The following FBXW10B variants were observed in gnomAD, a reference collection of about 807,000 sequenced individuals.
FBXW10B encodes F-box and WD repeat domain containing protein 10B.
the FBXW10B span, chr17:15,589,026 G>A: frequency 6.2e-7 from 1 of 1,610,392 alleles, no homozygotes; most frequent in South Asian, 1.1e-5. Flanking sequence ...TCGGAGCTGT[G>A]GTTGGGGCCA....
At chr17:15,598,555 C>T in the FBXW10B span, 1 of 1,613,720 alleles carries the variant, frequency 6.2e-7, no homozygotes, top group Non-Finnish European at 8.5e-7. Flanking sequence ...ATCTCTTCCT[C>T]CAGATACGAG....
At chr17:15,593,817 C>T in the FBXW10B span, among the ~76,000 whole-genome samples, 5 of 152,114 alleles carry the variant, frequency 3.3e-5, no homozygotes, top group East Asian at 7.7e-4. Context: ...TTAGTAGAGA[C>T]GGGGTTTCAC....
the FBXW10B span, among the ~76,000 whole-genome samples, chr17:15,613,206 G>A: frequency 2.6e-5 from 4 of 151,134 alleles, no homozygotes; most frequent in South Asian, 2.1e-4. Flanking sequence ...CTGCCATTGG[G>A]GAAAATTTCA....
chr17:15,616,766 C>A, the FBXW10B span, among the ~76,000 whole-genome samples: 52 of 137,288 alleles, frequency 3.8e-4, no homozygotes, highest in East Asian at 9.4e-3. Flanking sequence ...GAGCCAAGAT[C>A]AGGCCACTGC....
the FBXW10B span, among the ~76,000 whole-genome samples, chr17:15,584,971 T>TA: frequency 7.0e-6 from 1 of 143,506 alleles, no homozygotes; most frequent in African/African-American, 2.6e-5. Context: ...TCTTCTTCTT[T>TA]TTTTTTTTTT....
At chr17:15,582,744 A>G in the FBXW10B span, among the ~76,000 whole-genome samples, 2 of 152,182 alleles carry the variant, frequency 1.3e-5, no homozygotes, top group Non-Finnish European at 2.9e-5. Flanking sequence ...AAGTGGAGCC[A>G]AGAATAATAG....
chr17:15,604,379 A>G, the FBXW10B span, among the ~76,000 whole-genome samples: 1 of 152,202 alleles, frequency 6.6e-6, no homozygotes, highest in Non-Finnish European at 1.5e-5. Context: ...GGGAATCATT[A>G]GTATAAAATT....
chr17:15,619,389 T>C, the FBXW10B span: 1 of 1,613,782 alleles, frequency 6.2e-7, no homozygotes, highest in Non-Finnish European at 8.5e-7. Flanking sequence ...AACCACTCTT[T>C]GGTAGAGAAG....
chr17:15,612,591 C>T, the FBXW10B span: 2 of 1,489,436 alleles, frequency 1.3e-6, no homozygotes, highest in Non-Finnish European at 1.8e-6. Context: ...GGAGTGTCAC[C>T]TGCCGTGATC....
chr17:15,571,002 T>C, the FBXW10B span, among the ~76,000 whole-genome samples: 1 of 152,212 alleles, frequency 6.6e-6, no homozygotes, highest in Non-Finnish European at 1.5e-5. Context: ...AGAACTCATG[T>C]ACAGAATATA....
chr17:15,598,401 G>A, the FBXW10B span: 2 of 1,281,678 alleles, frequency 1.6e-6, no homozygotes, highest in Non-Finnish European at 2.1e-6. Flanking sequence ...GGGTGGGTGG[G>A]TGGGTGGATG....
chr17:15,594,724 G>A, the FBXW10B span: 186 of 1,612,508 alleles, frequency 1.2e-4, 3 homozygotes, highest in South Asian at 1.5e-3. Flanking sequence ...CAGGTTCATC[G>A]CTCCGGGCTT....
chr17:15,600,075 G>C, the FBXW10B span, among the ~76,000 whole-genome samples: 1 of 151,766 alleles, frequency 6.6e-6, no homozygotes, highest in African/African-American at 2.4e-5. Context: ...CATTAGCCGG[G>C]CGTGGTGGCA....
At chr17:15,572,818 G>C in the FBXW10B span, 1 of 150,754 alleles carries the variant, frequency 6.6e-6, no homozygotes, top group African/African-American at 2.5e-5. Context: ...GGGGCAGGGT[G>C]GCACAAGATG....
chr17:15,595,546 G>T, the FBXW10B span, among the ~76,000 whole-genome samples: 1 of 151,982 alleles, frequency 6.6e-6, no homozygotes, highest in African/African-American at 2.4e-5. Flanking sequence ...CTGTGAGAAG[G>T]ACGAAGGTAA....
the FBXW10B span, among the ~76,000 whole-genome samples, chr17:15,590,073 G>C: frequency 1.3e-5 from 2 of 151,482 alleles, no homozygotes; most frequent in African/African-American, 4.9e-5. Flanking sequence ...GGAAGCCGGC[G>C]GCGCTGCCTG....
the FBXW10B span, among the ~76,000 whole-genome samples, chr17:15,606,564 TTAAAC>T: frequency 0.021 from 3,192 of 149,706 alleles, 100 homozygotes; most frequent in African/African-American, 0.069. Flanking sequence ...TAATTGTTCT[TTAAAC>T]TACATATATA....
chr17:15,586,998 T>A, the FBXW10B span, among the ~76,000 whole-genome samples: 1 of 151,520 alleles, frequency 6.6e-6, no homozygotes, highest in African/African-American at 2.4e-5. Flanking sequence ...GGAGCTAGAG[T>A]GAACCTGGAG....
chr17:15,573,369 TGA>T, the FBXW10B span: 1 of 152,220 alleles, frequency 6.6e-6, no homozygotes, highest in African/African-American at 2.4e-5. Flanking sequence ...TCTCCTCTAC[TGA>T]GAGTCTCCTT....
Sources: gnomAD v4.1 joint callset for allele counts (sites outside exome capture counted in the v4.1 genomes callset) on GRCh38, gnomAD v4.1.1 for gene constraint, MANE v1.5 for transcripts, NCBI Gene and HGNC (gene_info 2026-07-23, HGNC 2026-07-21) for gene names.